The following UXS1 variants were observed in gnomAD, a reference collection of about 807,000 sequenced individuals.
The protein encoded by UXS1 is UDP-glucuronate decarboxylase 1.
UXS1 carries 33 observed loss-of-function variants against 62.6 expected under a neutral mutation model. That is an observed-to-expected ratio of 0.53 (90% CI 0.40 to 0.70). The LOEUF (loss-of-function observed/expected upper bound fraction) is 0.70. Ranked by LOEUF, UXS1 falls within the 30% of genes least tolerant of loss-of-function variation. The pLI is 0.00. For missense variants in UXS1, 434 were observed against 556.3 expected (o/e 0.78, Z 2.21); for synonymous variants, 213 against 206.8 (o/e 1.03, Z -0.26).
chr2:106,101,200 G>A (rs10177888), intron 11 of UXS1, 82 bp from the exon 12 acceptor site: 1,092,384 of 1,424,090 alleles, frequency 0.77, 421,434 homozygotes, highest in Non-Finnish European at 0.79. Context: ...CCTCCCAGAA[G>A]AAAAATTACC....
chr2:106,159,961 G>C (rs1019976243), intron 4 of UXS1: 1 of 152,160 alleles, frequency 6.6e-6, no homozygotes. Context: ...GAGAGTCTGA[G>C]GGCAAGGGTG....
intron 1 of UXS1, among the ~76,000 whole-genome samples, chr2:106,181,097 C>T (rs1684213330): frequency 1.3e-5 from 2 of 152,212 alleles, no homozygotes; most frequent in Non-Finnish European, 2.9e-5. Flanking sequence ...GGGAGGGAAT[C>T]CCTCCTAGTT....
At chr2:106,147,128 G>A (rs1253757110) in intron 5 of UXS1, among the ~76,000 whole-genome samples, 6 of 152,100 alleles carry the variant, frequency 3.9e-5, no homozygotes, top group African/African-American at 1.4e-4. Flanking sequence ...GTGACAGAGC[G>A]AGACTCTGTC....
In UXS1 at chr2:106,115,008, C is replaced by T. The variant is rs146734827; in HGVS notation, c.760-2243G>A. On this transcript the variant is annotated intron_variant, in intron 9 of 14. Transcript: ENST00000283148. ...CATCAGGGAACCCTTGGCCTTCACA[C>T]AAAGGCGACCCCCAGTCAATATGTA... 1.6e-4 allele frequency among the ~76,000 whole-genome samples: 24 copies of T among 152,252 alleles called. No homozygotes were observed. The East Asian group carries it at 4.0e-3, about 26-fold the overall frequency.
chr2:106,100,274 T>G (rs150494267), intron 12 of UXS1, among the ~76,000 whole-genome samples: 145 of 152,272 alleles, frequency 9.5e-4, no homozygotes, highest in African/African-American at 3.5e-3. Context: ...AATCACTCAG[T>G]GACAGAAAGG....
Position 106,190,832 on chromosome 2 carries a change from T to C in UXS1, c.94+3316A>G, listed in dbSNP as rs531864666. ...ACTGTTTGGCCCTGCAGAAGCTATT[T>C]AACTTTTTACACTATATGCATGTTA... On this transcript the variant is annotated intron_variant, in intron 1 of 14. Transcript: ENST00000283148. Among the ~76,000 whole-genome samples, 104 of 151,872 alleles carry C rather than the reference T, an allele frequency of 6.8e-4. 1 individual carries two copies. The highest frequency in any genetic ancestry group is 5.2e-4 in the Admixed American group (8 of 15,258).
intron 5 of UXS1, among the ~76,000 whole-genome samples, chr2:106,154,722 T>C (rs1416205151): frequency 2.0e-5 from 3 of 152,178 alleles, no homozygotes; most frequent in Non-Finnish European, 2.9e-5. Flanking sequence ...CCTAGGAAAT[T>C]CATATGGCAG....
intron 1 of UXS1, among the ~76,000 whole-genome samples, chr2:106,178,576 ATATG>A (rs1684043751): frequency 6.6e-6 from 1 of 151,978 alleles, no homozygotes; most frequent in Non-Finnish European, 1.5e-5. Flanking sequence ...GTGTATATAT[ATATG>A]TGTATATGTA....
At chr2:106,159,144 C>T (rs1682695506) in intron 4 of UXS1, 1 of 152,244 alleles carries the variant, frequency 6.6e-6, no homozygotes, top group Non-Finnish European at 1.5e-5. Context: ...CGCTGTAACA[C>T]CTGTTGTTCT....
At chr2:106,124,161 C>A (rs1679742417) in intron 8 of UXS1, among the ~76,000 whole-genome samples, 1 of 152,216 alleles carries the variant, frequency 6.6e-6, no homozygotes, top group South Asian at 2.1e-4. Flanking sequence ...GAGAAAGGAA[C>A]CATTGACTTA....
At chr2:106,101,731 T>C (rs1327690253) in intron 11 of UXS1, 1 of 152,274 alleles carries the variant, frequency 6.6e-6, no homozygotes, top group African/African-American at 2.4e-5. Context: ...GTCAGGGATA[T>C]TTGGATGTTT....
chr2:106,123,355 G>A (rs1026506558), intron 8 of UXS1, among the ~76,000 whole-genome samples: 7 of 151,580 alleles, frequency 4.6e-5, no homozygotes, highest in Non-Finnish European at 8.8e-5. Flanking sequence ...CCTCTCTTCC[G>A]TAAATTGTTC....
chr2:106,137,995 A>T (rs1239156875), intron 6 of UXS1, among the ~76,000 whole-genome samples: 1 of 151,924 alleles, frequency 6.6e-6, no homozygotes, highest in East Asian at 1.9e-4. Context: ...AGTATAAACA[A>T]CTCTGTATGG....
intron 1 of UXS1, among the ~76,000 whole-genome samples, chr2:106,190,573 G>A (rs536159610): frequency 6.6e-6 from 1 of 151,616 alleles, no homozygotes; most frequent in African/African-American, 2.4e-5. Flanking sequence ...TGGAGAAACC[G>A]TCTCTACTAA....
chr2:106,111,680 G>C (rs531019970), intron 10 of UXS1, among the ~76,000 whole-genome samples: 3 of 152,292 alleles, frequency 2.0e-5, no homozygotes, highest in Non-Finnish European at 2.9e-5. Flanking sequence ...CAGATCATAG[G>C]ACAGAAGAGT....
intron 9 of UXS1, among the ~76,000 whole-genome samples, chr2:106,113,069 AT>A (rs920321122): frequency 1.3e-4 from 20 of 152,112 alleles, no homozygotes; most frequent in South Asian, 2.1e-4. Context: ...TATTTATATA[AT>A]TTTTTTTCCC....
chr2:106,117,533 G>GTT (rs11421703), intron 9 of UXS1, among the ~76,000 whole-genome samples: 1 of 152,044 alleles, frequency 6.6e-6, no homozygotes, highest in Non-Finnish European at 1.5e-5. Context: ...ACCGAACACT[G>GTT]TAACGTGATC....
At chr2:106,120,617 C>T (rs1180140989) in intron 9 of UXS1, among the ~76,000 whole-genome samples, 1 of 152,206 alleles carries the variant, frequency 6.6e-6, no homozygotes, top group African/African-American at 2.4e-5. Flanking sequence ...GCCCAAGTTC[C>T]ACACTCTCCT....
Position 106,094,607 on chromosome 2 carries a change from C to T in UXS1, c.1147-450G>A, listed in dbSNP as rs139707758. Among the ~76,000 whole-genome samples, 828 of 152,248 alleles carry T rather than the reference C, an allele frequency of 5.4e-3. 10 individuals are homozygous for T. The highest frequency in any genetic ancestry group is 0.019 in the African/African-American group (769 of 41,542). On this transcript the variant is annotated intron_variant, in intron 14 of 14. Transcript: ENST00000283148. The stretch of plus-strand genomic sequence containing the variant: ...CTGATCAACACGCCTGATTCTCCCA[C>T]GTGACATCAACCCTTTGCACTGCCT...
Sources: gnomAD v4.1 joint callset for allele counts (sites outside exome capture counted in the v4.1 genomes callset) on GRCh38, gnomAD v4.1.1 for gene constraint, MANE v1.5 for transcripts, NCBI Gene and HGNC (gene_info 2026-07-23, HGNC 2026-07-21) for gene names.